Variants in RELCH observed in about 807,000 individuals in gnomAD.
RELCH encodes the protein RAB11 binding and LisH domain, coiled-coil and HEAT repeat containing, also known as RAB11-binding protein RELCH.
RELCH carries 41 observed loss-of-function variants against 150.3 expected under a neutral mutation model. The ratio of observed to expected loss-of-function variants is 0.27; its 90% CI spans 0.21 to 0.35. The LOEUF is 0.35. Among genes scored for constraint, RELCH ranks in the 10% least tolerant of loss-of-function variants. The pLI is 1.00. For missense variants in RELCH, 1,092 were observed against 1,467.8 expected, an observed-to-expected ratio of 0.74 and a Z score of 4.18; for synonymous variants, 478 against 531.8, an observed-to-expected ratio of 0.90 and a Z score of 1.39.
chr18:62,280,386 G>T (rs373408233), intron 23 of RELCH: 1 of 1,613,996 alleles, frequency 6.2e-7, no homozygotes, highest in African/African-American at 1.3e-5. Flanking sequence ...TGAGTGAAGC[G>T]TTAGTTGACA....
intron 5 of RELCH, among the ~76,000 whole-genome samples, chr18:62,225,616 C>G (rs1327644350): frequency 2.0e-5 from 3 of 151,898 alleles, no homozygotes; most frequent in African/African-American, 7.2e-5. Flanking sequence ...TAGAGAAATG[C>G]AAATTCAATC....
chr18:62,210,771 G>A (rs1327717546), intron 1 of RELCH, among the ~76,000 whole-genome samples: 1 of 152,170 alleles, frequency 6.6e-6, no homozygotes, highest in African/African-American at 2.4e-5. Context: ...ATTTTTGACT[G>A]TGTGATGGAT....
At chr18:62,236,110 A>G (rs563490858) in intron 10 of RELCH, among the ~76,000 whole-genome samples, 2 of 152,068 alleles carry the variant, frequency 1.3e-5, no homozygotes, top group African/African-American at 4.8e-5. Flanking sequence ...GCCCTTTGTC[A>G]TATTAAAGAA....
chr18:62,219,192 G>C (rs951736113), intron 2 of RELCH, among the ~76,000 whole-genome samples: 1 of 151,598 alleles, frequency 6.6e-6, no homozygotes, highest in East Asian at 1.9e-4. Context: ...AATTCTTGCC[G>C]TCTGACATGG....
intron 10 of RELCH, among the ~76,000 whole-genome samples, chr18:62,232,767 C>T (rs1270854465): frequency 1.3e-5 from 2 of 151,950 alleles, no homozygotes; most frequent in Admixed American, 1.3e-4. Flanking sequence ...GTATGATATG[C>T]TTCATATGTC....
intron 10 of RELCH, among the ~76,000 whole-genome samples, chr18:62,239,800 C>T (rs1423112351): frequency 6.6e-6 from 1 of 152,020 alleles, no homozygotes; most frequent in Non-Finnish European, 1.5e-5. Context: ...TCCTTATACC[C>T]TTTGTTTTAC....
chr18:62,290,467 G>A lies in RELCH; in HGVS notation c.3371-1076G>A, dbSNP rs552458268. On this transcript the variant is annotated intron_variant, in intron 26 of 28. Transcript: ENST00000644646. ...AATCACTTGAACCCAGGAGGCGGAG[G>A]TTGCAGTGAGCCAAGATTGTGCCAC... 4.6e-3 allele frequency among the ~76,000 whole-genome samples: 705 copies of A among 152,258 alleles called. 4 individuals carry two copies. The highest frequency in any genetic ancestry group is 8.4e-3 in the Non-Finnish European group (573 of 68,018).
intron 11 of RELCH, among the ~76,000 whole-genome samples, chr18:62,245,469 C>T (rs537229488): frequency 1.4e-4 from 21 of 151,952 alleles, no homozygotes; most frequent in African/African-American, 3.6e-4. Flanking sequence ...TCTAAAAATA[C>T]GAAAAAATCA....
At chr18:62,265,554 A>G (rs541930987) in intron 18 of RELCH, among the ~76,000 whole-genome samples, 175 of 152,210 alleles carry the variant, frequency 1.1e-3, no homozygotes, top group African/African-American at 4.0e-3. Flanking sequence ...ACACATTTAA[A>G]AGGTAAGCAT....
At chr18:62,208,273 G>A (rs1039713967) in intron 1 of RELCH, among the ~76,000 whole-genome samples, 33 of 151,414 alleles carry the variant, frequency 2.2e-4, no homozygotes, top group African/African-American at 8.0e-4. Context: ...ATGTAGATAT[G>A]GCCCTTAACA....
intron 10 of RELCH, among the ~76,000 whole-genome samples, chr18:62,235,833 ACT>A (rs1264237544): frequency 6.6e-6 from 1 of 151,860 alleles, no homozygotes; most frequent in African/African-American, 2.4e-5. Context: ...TTGCTTATTA[ACT>A]CTAATCATTT....
intron 1 of RELCH, among the ~76,000 whole-genome samples, chr18:62,201,744 C>T (rs1031780264): frequency 1.3e-5 from 2 of 152,044 alleles, no homozygotes; most frequent in Non-Finnish European, 2.9e-5. Flanking sequence ...TATCCATGTC[C>T]TTTAAAAAAA....
In RELCH at chr18:62,275,384, G is replaced by T; in HGVS notation, c.2878G>T (p.Ala960Ser). 1 of 1,526,044 alleles carries T rather than the reference G, an allele frequency of 6.6e-7. No individual in the cohort carries two copies. The highest frequency in any genetic ancestry group is 8.8e-7 in the Non-Finnish European group (1 of 1,141,054). 94.5% of individuals were successfully genotyped at this position (1,526,044 alleles called of 1,614,324 possible). A position where few individuals can be genotyped will look rare whatever the true frequency, so the allele number is the denominator to read the frequency against. Residue 960 changes from alanine (A) to serine (S), a missense_variant, in exon 22 of 29, where the codon GCC becomes TCC. Physicochemically the swap from Ala to Ser is moderately conservative, Grantham distance 99 (BLOSUM62 1). Around this residue, in one of 4 missense-constraint regions of RELCH, gnomAD observed 707 missense variants for 1,025.4 expected, o/e 0.69. Transcript: ENST00000644646. The stretch of plus-strand genomic sequence containing the variant: ...TTTTTTTTCTTCTAGTGCAAACCCA[G>T]CCTACCATGAGTTACTATTAACTGT... ...ASFVELGANP[A>S]YHELLLTVLW...
chr18:62,229,256 AC>A (rs2148418632), intron 8 of RELCH, among the ~76,000 whole-genome samples: 1 of 152,222 alleles, frequency 6.6e-6, no homozygotes, highest in East Asian at 1.9e-4. Context: ...CTTTATGTAT[AC>A]TAACTCATTT....
chr18:62,233,049 A>T (rs1466158454), intron 10 of RELCH, among the ~76,000 whole-genome samples: 1 of 151,870 alleles, frequency 6.6e-6, no homozygotes, highest in Non-Finnish European at 1.5e-5. Flanking sequence ...ATTTGCAAAT[A>T]TATTTGACTC....
intron 1 of RELCH, among the ~76,000 whole-genome samples, chr18:62,190,303 G>A (rs764818716): frequency 6.6e-6 from 1 of 152,160 alleles, no homozygotes; most frequent in Non-Finnish European, 1.5e-5. Flanking sequence ...CATCGGCAGG[G>A]TGCAGTGGCT....
At position 62,287,425 on chromosome 18, in the gene RELCH, G is replaced by T. The variant is rs1163276178; in HGVS notation, c.3328G>T (p.Ala1110Ser). The T allele has an allele frequency of 1.2e-6, 2 of 1,609,020 alleles. No homozygotes were observed. Among genetic ancestry groups the T allele is most frequent in the Non-Finnish European group, 1.7e-6 (2 of 1,176,264 alleles). ...QIVDSKRLDI[A>S]THLFEAYSAL... is the part of the protein sequence containing the mutation. The stretch of plus-strand genomic sequence containing the variant: ...TGTGGATTCTAAAAGACTGGACATT[G>T]CTACGCATCTTTTTGAAGCCTACAG... Residue 1110 changes from alanine (A) to serine (S), a missense_variant, in exon 26 of 29, where the codon GCT becomes TCT. Transcript: ENST00000644646.
At chr18:62,263,714 A>C (rs1440109513) in intron 16 of RELCH, among the ~76,000 whole-genome samples, 1 of 152,040 alleles carries the variant, frequency 6.6e-6, no homozygotes, top group Non-Finnish European at 1.5e-5. Context: ...GGACACAATC[A>C]TGAATAAAAT....
intron 13 of RELCH, among the ~76,000 whole-genome samples, chr18:62,257,001 C>T (rs758588992): frequency 3.9e-5 from 6 of 151,934 alleles, no homozygotes; most frequent in Admixed American, 6.6e-5. Context: ...AAGTGAAAAC[C>T]AGACTTTTTA....
Sources: allele counts gnomAD v4.1 joint callset (sites outside exome capture counted in the v4.1 genomes callset), GRCh38; gene constraint gnomAD v4.1.1; regional missense constraint gnomAD v4.1.1; transcripts MANE v1.5; gene names NCBI Gene and HGNC (gene_info 2026-07-23, HGNC 2026-07-21).